HECW1: variants seen among roughly 807,000 people sequenced by gnomAD.
HECW1 encodes HECT, C2 and WW domain containing E3 ubiquitin protein ligase 1, also known as E3 ubiquitin-protein ligase HECW1.
In HECW1, 61 loss-of-function variants were observed where a neutral mutation model predicts 182.3. The observed-to-expected ratio is 0.33, with a 90% CI of 0.27 to 0.41. The LOEUF is 0.41. HECW1 is among the 10% of genes least tolerant of loss of function. HECW1 has a pLI of 1.00. For missense variants in HECW1, 1,739 were observed against 2,108.9 expected (o/e 0.82, Z 3.44); for synonymous variants, 859 against 832.6 (o/e 1.03, Z -0.55).
intron 2 of HECW1, among the ~76,000 whole-genome samples, chr7:43,170,452 C>T (rs1021631796): frequency 1.3e-5 from 2 of 152,182 alleles, no homozygotes; most frequent in South Asian, 2.1e-4. Context: ...CCCTTGGCTC[C>T]CAGTCACATA....
chr7:43,433,992 T>A (rs2076630680), intron 8 of HECW1, among the ~76,000 whole-genome samples: 1 of 152,126 alleles, frequency 6.6e-6, no homozygotes, highest in African/African-American at 2.4e-5. Flanking sequence ...TGCAAAGAGA[T>A]AAAATTCCCA....
Position 43,562,751 on chromosome 7 carries a change from G to A in HECW1, c.*825G>A. The A allele has an allele frequency of 4.6e-6, 1 of 218,372 alleles. No homozygotes were observed. Among genetic ancestry groups the A allele is most frequent in the Non-Finnish European group, 9.2e-6 (1 of 108,404 alleles). The allele number at this position is 218,372 out of a possible 1,614,324, so 13.5% of individuals were successfully genotyped here. A position where few individuals can be genotyped will look rare whatever the true frequency, so the allele number is the denominator to read the frequency against. On this transcript the variant is annotated 3_prime_UTR_variant, in exon 30 of 30. Coordinates refer to ENST00000395891, the MANE Select transcript of HECW1 (RefSeq NM_015052.5). Reference sequence around the variant, plus strand: ...GAAAGAAAGCTTCTTGATTGAGGTAGCATGAAGGATGAGGCTTCAGCCCCC... The same window carrying A: ...GAAAGAAAGCTTCTTGATTGAGGTAACATGAAGGATGAGGCTTCAGCCCCC...
At chr7:43,352,465 T>C (rs1016627586) in intron 5 of HECW1, among the ~76,000 whole-genome samples, 1 of 152,200 alleles carries the variant, frequency 6.6e-6, no homozygotes, top group Non-Finnish European at 1.5e-5. Flanking sequence ...ACCTAGTACA[T>C]TATTACTGAA....
chr7:43,559,548 G>A (rs563978942), intron 29 of HECW1, among the ~76,000 whole-genome samples: 143 of 152,276 alleles, frequency 9.4e-4, no homozygotes, highest in Non-Finnish European at 1.6e-3. Flanking sequence ...TGAGGTGCAC[G>A]CAGCATATAT....
At chr7:43,311,342 T>C (rs980896975) in intron 3 of HECW1, among the ~76,000 whole-genome samples, 2 of 151,952 alleles carry the variant, frequency 1.3e-5, no homozygotes, top group Non-Finnish European at 2.9e-5. Flanking sequence ...CACTCAGAGG[T>C]TAATAATGAT....
At chr7:43,520,658 T>A (rs7810023) in intron 24 of HECW1, among the ~76,000 whole-genome samples, 23,057 of 151,774 alleles carry the variant, frequency 0.15, 1,857 homozygotes, top group Non-Finnish European at 0.17. Context: ...AGGTTTTTTT[T>A]AAAAAAAACA....
chr7:43,453,644 A>T (rs971168778), intron 12 of HECW1, among the ~76,000 whole-genome samples: 8 of 152,350 alleles, frequency 5.3e-5, no homozygotes, highest in African/African-American at 1.9e-4. Flanking sequence ...TAATATAATA[A>T]CTAAATATGA....
At chr7:43,396,716 G>T in intron 6 of HECW1, 98 bp from the exon 7 acceptor site, 1 of 790,002 alleles carries the variant, frequency 1.3e-6, no homozygotes. Flanking sequence ...GTTGCCTGTA[G>T]CTGGTAAAAT....
At chr7:43,523,192 A>C in intron 24 of HECW1, 1 of 262,968 alleles carries the variant, frequency 3.8e-6, no homozygotes. Context: ...TTAGTACATA[A>C]GGGGTTTCTC....
chr7:43,204,354 C>G (rs1255387639), intron 2 of HECW1, among the ~76,000 whole-genome samples: 1 of 151,814 alleles, frequency 6.6e-6, no homozygotes, highest in African/African-American at 2.4e-5. Context: ...TTCAAGAAAC[C>G]CTAAGTCATT....
chr7:43,302,609 G>GATGT (rs1354001328), intron 3 of HECW1, among the ~76,000 whole-genome samples: 3 of 152,290 alleles, frequency 2.0e-5, no homozygotes, highest in African/African-American at 7.2e-5. Flanking sequence ...GCCCGGTACG[G>GATGT]GGCCGCCCCG....
chr7:43,539,598 T>G (rs527745213), intron 24 of HECW1, among the ~76,000 whole-genome samples: 1 of 152,274 alleles, frequency 6.6e-6, no homozygotes, highest in African/African-American at 2.4e-5. Context: ...TTATTTCATA[T>G]CTGCATATAT....
chr7:43,506,338 G>A (rs1218623564), intron 21 of HECW1, among the ~76,000 whole-genome samples: 1 of 152,132 alleles, frequency 6.6e-6, no homozygotes, highest in African/African-American at 2.4e-5. Context: ...TTCAGCTTAT[G>A]TTAATTATTT....
At chr7:43,544,409 C>T (rs867266929) in intron 26 of HECW1, among the ~76,000 whole-genome samples, 18 of 152,228 alleles carry the variant, frequency 1.2e-4, no homozygotes, top group African/African-American at 4.3e-4. Flanking sequence ...AATAAATTAA[C>T]GCTATAGTGA....
chr7:43,170,650 G>A (rs1791594758), intron 2 of HECW1, among the ~76,000 whole-genome samples: 2 of 152,202 alleles, frequency 1.3e-5, no homozygotes, highest in Admixed American at 1.3e-4. Flanking sequence ...CTTGTCAAAG[G>A]TGCATGGTAT....
intron 28 of HECW1, among the ~76,000 whole-genome samples, chr7:43,553,690 T>C (rs1344652921): frequency 4.6e-5 from 5 of 108,794 alleles, no homozygotes; most frequent in African/African-American, 6.6e-5. Flanking sequence ...AAAAAAAAAG[T>C]CTCTGCCTGG....
At chr7:43,528,045 T>C (rs2080828099) in intron 24 of HECW1, among the ~76,000 whole-genome samples, 1 of 151,042 alleles carries the variant, frequency 6.6e-6, no homozygotes, top group Non-Finnish European at 1.5e-5. Flanking sequence ...TAAGCTATTT[T>C]GGTCCATTAA....
chr7:43,531,836 T>C (rs2081004014), intron 24 of HECW1, among the ~76,000 whole-genome samples: 1 of 152,222 alleles, frequency 6.6e-6, no homozygotes, highest in Non-Finnish European at 1.5e-5. Flanking sequence ...GCCTCTCATC[T>C]TCCAGATCCC....
At chr7:43,361,271 T>A (rs1050690383) in intron 6 of HECW1, among the ~76,000 whole-genome samples, 2 of 152,216 alleles carry the variant, frequency 1.3e-5, no homozygotes, top group Non-Finnish European at 2.9e-5. Context: ...ATGTTTCTAA[T>A]AGAGACATGT....
Sources: allele counts gnomAD v4.1 joint callset (sites outside exome capture counted in the v4.1 genomes callset), GRCh38; gene constraint gnomAD v4.1.1; transcripts MANE v1.5; gene names NCBI Gene and HGNC (gene_info 2026-07-23, HGNC 2026-07-21).